Variants in TMEM132B observed in about 807,000 individuals in gnomAD.
The protein encoded by TMEM132B is transmembrane protein 132B.
In TMEM132B, 18 loss-of-function variants were observed where a neutral mutation model predicts 90.8. That is an observed-to-expected ratio of 0.20 (90% CI 0.14 to 0.29). TMEM132B has a LOEUF of 0.29. Ranked by LOEUF, TMEM132B falls within the 10% of genes least tolerant of loss-of-function variation. The pLI is 1.00. For missense variants in TMEM132B, 1,096 were observed against 1,326.8 expected (o/e 0.83, Z 2.70); for synonymous variants, 504 against 523.3 (o/e 0.96, Z 0.50).
At chr12:125,524,095 C>T (rs749856154) in intron 4 of TMEM132B, among the ~76,000 whole-genome samples, 53 of 152,324 alleles carry the variant, frequency 3.5e-4, no homozygotes, top group Non-Finnish European at 7.4e-4. Flanking sequence ...TCATTCTCCA[C>T]GTAGCCTCAG....
chr12:125,356,438 A>G (rs1203279274), intron 2 of TMEM132B, among the ~76,000 whole-genome samples: 2 of 152,178 alleles, frequency 1.3e-5, no homozygotes, highest in Non-Finnish European at 2.9e-5. Context: ...CTTGGAAGCC[A>G]CCTTCCTCCT....
At chr12:125,273,401 A>C (rs1874900225) in intron 1 of TMEM132B, among the ~76,000 whole-genome samples, 1 of 152,112 alleles carries the variant, frequency 6.6e-6, no homozygotes, top group Non-Finnish European at 1.5e-5. Flanking sequence ...AACCCGGGCA[A>C]CACAGTGAAA....
chr12:125,461,956 G>A (rs1044864783), intron 3 of TMEM132B, among the ~76,000 whole-genome samples: 2 of 152,206 alleles, frequency 1.3e-5, no homozygotes, highest in African/African-American at 4.8e-5. Context: ...TTTCAGGAAA[G>A]TCTCAGCTTG....
chr12:125,202,557 G>T (rs904593656), intron 1 of TMEM132B, among the ~76,000 whole-genome samples: 1 of 152,242 alleles, frequency 6.6e-6, no homozygotes, highest in Non-Finnish European at 1.5e-5. Flanking sequence ...CTGACAGTTG[G>T]CCAGAGGCTG....
At chr12:125,196,867 G>C (rs1241616136) in intron 1 of TMEM132B, among the ~76,000 whole-genome samples, 1 of 152,128 alleles carries the variant, frequency 6.6e-6, no homozygotes, top group Non-Finnish European at 1.5e-5. Flanking sequence ...TGCTTGACGC[G>C]ACCAGGGCTC....
chr12:125,229,231 G>A (rs1463826191), intron 1 of TMEM132B, among the ~76,000 whole-genome samples: 1 of 152,176 alleles, frequency 6.6e-6, no homozygotes, highest in African/African-American at 2.4e-5. Context: ...GCGTGCTGAT[G>A]GATAAGGTCA....
At position 125,498,632 on chromosome 12, in the gene TMEM132B, A is replaced by C. The variant is rs1882617615; in HGVS notation, c.1107-20807A>C. 6.6e-6 allele frequency among the ~76,000 whole-genome samples: 1 copy of C among 152,166 alleles called. No homozygotes were observed. Among genetic ancestry groups the C allele is most frequent in the Non-Finnish European group, 1.5e-5 (1 of 68,030 alleles). ...GGACTCAGAAAACATAACTCAGGAG[A>C]CAGGTAAAGAGGATACCCCCTGATT... On this transcript the variant is annotated intron_variant, in intron 3 of 8. Coordinates refer to ENST00000682704, the MANE Select transcript of TMEM132B (RefSeq NM_001366854.1). This position sits in a 1 kb window ranked among gnomAD's most constrained non-coding sequence, Gnocchi z 4.5.
intron 2 of TMEM132B, among the ~76,000 whole-genome samples, chr12:125,374,295 G>T (rs76146873): frequency 0.12 from 18,999 of 152,198 alleles, 1,349 homozygotes; most frequent in South Asian, 0.2. Flanking sequence ...GAAGTCCTCT[G>T]TCTGGAGGCT....
rs750857182 is a variant in TMEM132B, at chr12:125,490,588, C to T, written c.1107-28851C>T. Among the ~76,000 whole-genome samples the T allele has an allele frequency of 2.6e-4, 40 of 152,032 alleles. No homozygotes were observed. Among genetic ancestry groups the T allele is most frequent in the Non-Finnish European group, 4.6e-4 (31 of 68,004 alleles). ...ACACCATTCTCCTGCCTTAGCCTCC[C>T]GAGTAGCTCGACTACAGACACCTGC... On this transcript the variant is annotated intron_variant, in intron 3 of 8. Coordinates refer to ENST00000682704, the MANE Select transcript of TMEM132B (RefSeq NM_001366854.1). The surrounding 1 kb of genome is among the most constrained non-coding windows in gnomAD (Gnocchi z 4.2).
At chr12:125,264,610 C>T (rs1033228159) in intron 1 of TMEM132B, among the ~76,000 whole-genome samples, 2 of 152,160 alleles carry the variant, frequency 1.3e-5, no homozygotes, top group Non-Finnish European at 2.9e-5. Flanking sequence ...CTTTAGGGGT[C>T]TCAGAAGCAG....
chr12:125,269,244 G>A (rs548189899), intron 1 of TMEM132B, among the ~76,000 whole-genome samples: 2 of 152,176 alleles, frequency 1.3e-5, no homozygotes, highest in Non-Finnish European at 2.9e-5. Flanking sequence ...GTGCTGCCCT[G>A]AGTGTTTTTG....
intron 1 of TMEM132B, among the ~76,000 whole-genome samples, chr12:125,245,186 T>C (rs1874178438): frequency 1.3e-5 from 2 of 152,214 alleles, no homozygotes; most frequent in Non-Finnish European, 2.9e-5. Flanking sequence ...TTCTTTTCAC[T>C]TGGTTTCTTT....
chr12:125,396,142 A>G (rs1879162392), intron 2 of TMEM132B, among the ~76,000 whole-genome samples: 1 of 152,172 alleles, frequency 6.6e-6, no homozygotes, highest in Non-Finnish European at 1.5e-5. Flanking sequence ...TGGCTCCTCA[A>G]TGGGAAATAC....
rs975578891 is a variant in TMEM132B at position 125,653,870 on chromosome 12, C to T, written c.2412C>T (p.Gly804=). 6.2e-7 allele frequency: 1 copy of T among 1,614,118 alleles called. No homozygotes were observed. Among genetic ancestry groups the T allele is most frequent in the Non-Finnish European group, 8.5e-7 (1 of 1,180,040 alleles). ...CAAGTAGTGATGAGCACCAAGGAGGCAGCAATGATATTGAGGGCATAAATC... is the reference window on the plus strand; with the variant it reads ...CAAGTAGTGATGAGCACCAAGGAGGTAGCAATGATATTGAGGGCATAAATC... ...FEPSSDEHQG[G]SNDIEGINRE... Residue 804 remains glycine (G), a synonymous_variant, in exon 9 of 9, where the codon GGC becomes GGT. Coordinates refer to ENST00000682704, the MANE Select transcript of TMEM132B (RefSeq NM_001366854.1).
intron 5 of TMEM132B, among the ~76,000 whole-genome samples, chr12:125,627,232 A>T (rs368969200): frequency 6.6e-6 from 1 of 152,074 alleles, no homozygotes; most frequent in Admixed American, 6.5e-5. Flanking sequence ...TAACATATTC[A>T]TCATAATTAT....
At chr12:125,276,786 G>A (rs1436397996) in intron 1 of TMEM132B, among the ~76,000 whole-genome samples, 9 of 152,144 alleles carry the variant, frequency 5.9e-5, no homozygotes, top group Admixed American at 3.3e-4. Flanking sequence ...AACTGTCAGC[G>A]CCGGTGAAGT....
In TMEM132B at chr12:125,436,384, A is replaced by G. The variant is rs79728167; in HGVS notation, c.1106+20707A>G. On this transcript the variant is annotated intron_variant, in intron 3 of 8. Transcript: ENST00000682704. ...AATCGTACCTCTTCCCCTGTACCAC[A>G]CACACAGGCTTATTTGGAAACAGGC... 6.8e-3 allele frequency among the ~76,000 whole-genome samples: 1,040 copies of G among 152,240 alleles called. 62 individuals carry two copies. The East Asian group carries it at 0.15, about 21-fold the overall frequency.
intron 1 of TMEM132B, among the ~76,000 whole-genome samples, chr12:125,341,484 G>T (rs1877177959): frequency 6.6e-6 from 1 of 152,046 alleles, no homozygotes; most frequent in South Asian, 2.1e-4. Context: ...TTTTCCCTTT[G>T]CCCTTATTTT....
intron 4 of TMEM132B, among the ~76,000 whole-genome samples, chr12:125,573,451 G>A (rs1251479690): frequency 6.6e-6 from 1 of 152,176 alleles, no homozygotes; most frequent in African/African-American, 2.4e-5. Context: ...AGCAGTTTTA[G>A]AATTGCTAAC....
Sources: gnomAD v4.1 joint callset for allele counts (sites outside exome capture counted in the v4.1 genomes callset) on GRCh38, gnomAD v4.1.1 for gene constraint, Gnocchi (gnomAD v3.1) non-coding constraint, MANE v1.5 for transcripts, NCBI Gene and HGNC (gene_info 2026-07-23, HGNC 2026-07-21) for gene names.